LRRC4C: variants seen among roughly 807,000 people sequenced by gnomAD.
LRRC4C encodes leucine-rich repeat-containing protein 4C.
LRRC4C carries 5 observed loss-of-function variants against 33.6 expected under a neutral mutation model. The observed-to-expected ratio is 0.15, with a 90% CI of 0.08 to 0.31. LRRC4C has a LOEUF of 0.31. LRRC4C is among the 10% of genes least tolerant of loss of function. The pLI, the probability that LRRC4C is intolerant of heterozygous loss-of-function variation, is 1.00. For synonymous variants in LRRC4C, 329 were observed against 302.0 expected, an observed-to-expected ratio of 1.09 and a Z score of -0.93; for missense variants, 560 against 796.7, an observed-to-expected ratio of 0.70 and a Z score of 3.58.
chr11:40,337,727 T>C (rs988814484), intron 3 of LRRC4C, among the ~76,000 whole-genome samples: 3 of 152,188 alleles, frequency 2.0e-5, no homozygotes, highest in African/African-American at 7.2e-5. Context: ...GTGTGTTACA[T>C]AGGTAAACTT....
intron 1 of LRRC4C, among the ~76,000 whole-genome samples, chr11:41,283,933 A>C (rs1949744800): frequency 6.6e-6 from 1 of 152,200 alleles, no homozygotes; most frequent in African/African-American, 2.4e-5. Flanking sequence ...GGTTTTTGTA[A>C]TCATTGCATT....
intron 1 of LRRC4C, among the ~76,000 whole-genome samples, chr11:41,223,460 T>C (rs1223334588): frequency 1.3e-5 from 2 of 152,202 alleles, no homozygotes; most frequent in Non-Finnish European, 2.9e-5. Context: ...TATTCATTCA[T>C]TCATCCATCA....
intron 3 of LRRC4C, among the ~76,000 whole-genome samples, chr11:40,333,226 T>C (rs11035785): frequency 0.21 from 32,088 of 152,092 alleles, 4,049 homozygotes; most frequent in Admixed American, 0.34. Context: ...GTTTTATTAG[T>C]GGGTATGTGG....
chr11:40,919,634 A>G (rs1410437357), intron 2 of LRRC4C, among the ~76,000 whole-genome samples: 1 of 152,090 alleles, frequency 6.6e-6, no homozygotes, highest in East Asian at 1.9e-4. Context: ...TAAGATCTGT[A>G]AGTTCTGGGT....
At chr11:40,706,458 A>T (rs1257356250) in intron 2 of LRRC4C, among the ~76,000 whole-genome samples, 1 of 152,190 alleles carries the variant, frequency 6.6e-6, no homozygotes, top group Non-Finnish European at 1.5e-5. Context: ...ATGATTTATT[A>T]AATAGGGAAT....
In LRRC4C at chr11:41,234,218, G is replaced by GA. The variant is rs576282622; in HGVS notation, c.-496+225212dup. On this transcript the variant is annotated intron_variant, in intron 1 of 6. Coordinates refer to ENST00000528697, the MANE Select transcript of LRRC4C (RefSeq NM_001258419.2). ...CAGTGCTAAAGAACTTTAATTTTTAGAAAAAAAGTTTATTTTTAATTGACA... is the reference window on the plus strand; with the variant it reads ...CAGTGCTAAAGAACTTTAATTTTTAGAAAAAAAAGTTTATTTTTAATTGACA... Among the ~76,000 whole-genome samples the GA allele has an allele frequency of 9.2e-5, 14 of 151,730 alleles. 1 individual carries two copies. The East Asian group carries it at 1.7e-3, about 19-fold the overall frequency.
intron 3 of LRRC4C, among the ~76,000 whole-genome samples, chr11:40,501,684 C>A (rs1053079328): frequency 6.6e-6 from 1 of 152,068 alleles, no homozygotes; most frequent in Non-Finnish European, 1.5e-5. Flanking sequence ...GGACCCTGGG[C>A]CCAGCCCACA....
intron 3 of LRRC4C, among the ~76,000 whole-genome samples, chr11:40,631,966 T>C (rs1963515536): frequency 6.6e-6 from 1 of 152,198 alleles, no homozygotes; most frequent in Non-Finnish European, 1.5e-5. Context: ...CTAAATGTTA[T>C]GACATTCACT....
At chr11:40,167,689 TTTGATA>T (rs1008569837) in intron 5 of LRRC4C, among the ~76,000 whole-genome samples, 3 of 151,994 alleles carry the variant, frequency 2.0e-5, no homozygotes, top group Non-Finnish European at 4.4e-5. Context: ...CTAGAGCTCT[TTTGATA>T]TTGAGATTAA....
At chr11:41,217,311 C>T (rs1000871675) in intron 1 of LRRC4C, among the ~76,000 whole-genome samples, 1 of 152,134 alleles carries the variant, frequency 6.6e-6, no homozygotes, top group Non-Finnish European at 1.5e-5. Context: ...TACATAGAAG[C>T]TTCAATAAAT....
chr11:40,722,257 G>A (rs998326842), intron 2 of LRRC4C, among the ~76,000 whole-genome samples: 1 of 152,022 alleles, frequency 6.6e-6, no homozygotes, highest in Non-Finnish European at 1.5e-5. Context: ...TAGTTTTATG[G>A]ACTTGGAATG....
chr11:41,452,962 C>A (rs1363993692), intron 1 of LRRC4C, among the ~76,000 whole-genome samples: 1 of 151,922 alleles, frequency 6.6e-6, no homozygotes, highest in Non-Finnish European at 1.5e-5. Context: ...TTACTGAGTA[C>A]CAATTAAATT....
At chr11:40,650,543 T>A (rs1009609278) in intron 2 of LRRC4C, among the ~76,000 whole-genome samples, 27 of 152,346 alleles carry the variant, frequency 1.8e-4, no homozygotes, top group African/African-American at 5.8e-4. Context: ...TTTTTATAGA[T>A]GAGATGCTGC....
chr11:41,355,212 GA>G, intron 1 of LRRC4C, among the ~76,000 whole-genome samples: 1 of 151,978 alleles, frequency 6.6e-6, no homozygotes, highest in South Asian at 2.1e-4. Flanking sequence ...CCAAGAACAT[GA>G]AAAAATGCTC....
chr11:40,115,568 A>C lies in LRRC4C; in HGVS notation c.725T>G (p.Leu242Trp). ...CATCCACAGTTTTTGAAGGTGCATC[A>C]AACCCTGGAAAGAGCCAGGCCTGAT... ...SAIRPGSFQG[L>W]MHLQKLWMIQ... Residue 242 changes from leucine (L) to tryptophan (W), a missense_variant, in exon 7 of 7, where the codon TTG (leucine) becomes TGG (tryptophan). This residue lies in a region of LRRC4C where 455 missense variants were observed against 643.8 expected (regional missense o/e 0.71). Coordinates refer to ENST00000528697, the MANE Select transcript of LRRC4C (RefSeq NM_001258419.2). This position sits in a 1 kb window ranked among gnomAD's most constrained non-coding sequence, Gnocchi z 6.7. 1 of 1,614,200 alleles carries C rather than the reference A, an allele frequency of 6.2e-7. No individual in the cohort carries two copies. The highest frequency in any genetic ancestry group is 8.5e-7 in the Non-Finnish European group (1 of 1,180,026).
At chr11:40,907,032 C>CTGTCA (rs1262529009) in intron 2 of LRRC4C, among the ~76,000 whole-genome samples, 1 of 152,092 alleles carries the variant, frequency 6.6e-6, no homozygotes, top group Non-Finnish European at 1.5e-5. Context: ...TGTGTGTGCA[C>CTGTCA]TGTCAGGAGG....
At chr11:40,972,481 G>C (rs1203584473) in intron 1 of LRRC4C, among the ~76,000 whole-genome samples, 1 of 152,046 alleles carries the variant, frequency 6.6e-6, no homozygotes, top group Admixed American at 6.6e-5. Flanking sequence ...GTAGGGGCCA[G>C]GGCAAAATGA....
chr11:40,172,342 C>T (rs1860113638), intron 5 of LRRC4C, among the ~76,000 whole-genome samples: 1 of 152,134 alleles, frequency 6.6e-6, no homozygotes, highest in Non-Finnish European at 1.5e-5. Context: ...AGTATTCCTA[C>T]TGACTAATCC....
intron 1 of LRRC4C, among the ~76,000 whole-genome samples, chr11:41,086,856 A>G (rs939230753): frequency 6.6e-6 from 1 of 151,516 alleles, no homozygotes; most frequent in Non-Finnish European, 1.5e-5. Flanking sequence ...GCCAAACAAG[A>G]TTAATAAGTC....
Sources: allele counts gnomAD v4.1 joint callset (sites outside exome capture counted in the v4.1 genomes callset), GRCh38; gene constraint gnomAD v4.1.1; regional missense constraint gnomAD v4.1.1; non-coding constraint Gnocchi (gnomAD v3.1); transcripts MANE v1.5; gene names NCBI Gene and HGNC (gene_info 2026-07-23, HGNC 2026-07-21).